The following USP32 variants were observed in gnomAD, a reference collection of about 807,000 sequenced individuals.
USP32 encodes the protein ubiquitin carboxyl-terminal hydrolase 32.
In USP32, 59 loss-of-function variants were observed where a neutral mutation model predicts 204.8. The observed-to-expected ratio is 0.29, with a 90% CI of 0.23 to 0.36. The LOEUF (loss-of-function observed/expected upper bound fraction) is 0.36, where lower values mean the gene tolerates loss of function less well. USP32 is among the 10% of genes least tolerant of loss of function. The probability of loss-of-function intolerance (pLI) is 1.00; values close to 1 mark genes in which losing one functional copy is unlikely to be tolerated. For synonymous variants in USP32, 517 were observed against 678.4 expected (o/e 0.76, Z 3.70); for missense variants, 1,160 against 1,946.4 (o/e 0.60, Z 7.60).
rs758528054 is a variant in USP32, at chr17:60,368,991, A to ATT, written c.58+22889_58+22890dup. Among the ~76,000 whole-genome samples, 131 of 114,106 alleles carry ATT rather than the reference A, an allele frequency of 1.1e-3. 9 individuals carry two copies. The highest frequency in any genetic ancestry group is 3.3e-3 in the African/African-American group (64 of 19,578). The allele number at this position is 114,106 out of a possible 152,430, so 74.9% of individuals were successfully genotyped here. A position where few individuals can be genotyped will look rare whatever the true frequency, so the allele number is the denominator to read the frequency against. On this transcript the variant is annotated intron_variant, in intron 1 of 33. Coordinates refer to ENST00000300896, the MANE Select transcript of USP32 (RefSeq NM_032582.4). ...ACATACACGAATTATTTTTTAAAAG[A>ATT]TTTTTTTTTTTTTTTTTTTTTGAGA...
chr17:60,311,267 G>A (rs890404487), intron 2 of USP32, among the ~76,000 whole-genome samples: 5 of 152,022 alleles, frequency 3.3e-5, no homozygotes, highest in Non-Finnish European at 7.4e-5. Flanking sequence ...TATCTATTAT[G>A]CAACCCTAAA....
At chr17:60,311,248 C>A (rs1322489004) in intron 2 of USP32, among the ~76,000 whole-genome samples, 2 of 151,844 alleles carry the variant, frequency 1.3e-5, no homozygotes, top group African/African-American at 2.4e-5. Flanking sequence ...ATGTACCCCC[C>A]AAAAAATGTA....
intron 2 of USP32, among the ~76,000 whole-genome samples, chr17:60,315,173 G>A (rs1437807171): frequency 2.0e-5 from 3 of 152,160 alleles, no homozygotes; most frequent in African/African-American, 4.8e-5. Flanking sequence ...CGAGGTGGGC[G>A]GAATGCCTGA....
chr17:60,288,441 T>C (rs2087179176), intron 5 of USP32, 82 bp downstream of exon 5: 1 of 1,454,198 alleles, frequency 6.9e-7, no homozygotes. Flanking sequence ...AAATTTCTCC[T>C]TTATAAGCAT....
intron 13 of USP32, among the ~76,000 whole-genome samples, chr17:60,225,628 C>T (rs2085362329): frequency 6.6e-6 from 1 of 152,066 alleles, no homozygotes. Context: ...ATATTCACTA[C>T]AGCCTCTGTC....
intron 2 of USP32, 82 bp downstream of exon 2, chr17:60,345,399 T>TAAGAGCAG: frequency 6.4e-7 from 1 of 1,555,604 alleles, no homozygotes; most frequent in Non-Finnish European, 8.7e-7. Context: ...TTAAATCTGT[T>TAAGAGCAG]AAGAGCAGAA....
intron 1 of USP32, among the ~76,000 whole-genome samples, chr17:60,348,459 G>A (rs1041655409): frequency 6.6e-6 from 1 of 152,132 alleles, no homozygotes; most frequent in African/African-American, 2.4e-5. Context: ...GACTTATCAA[G>A]TTAAGGCAGA....
At chr17:60,414,221 G>A (rs186259386) in intron 1 of USP32, among the ~76,000 whole-genome samples, 44 of 151,872 alleles carry the variant, frequency 2.9e-4, no homozygotes, top group African/African-American at 7.2e-4. Flanking sequence ...AAATTAGCTA[G>A]GCATGGTGGC....
At chr17:60,288,895 C>T (rs1313441292) in intron 4 of USP32, among the ~76,000 whole-genome samples, 2 of 152,206 alleles carry the variant, frequency 1.3e-5, no homozygotes, top group African/African-American at 4.8e-5. Context: ...TGCATAAAAT[C>T]TGTATGTTAA....
intron 9 of USP32, among the ~76,000 whole-genome samples, chr17:60,257,807 C>T (rs534479839): frequency 2.7e-5 from 4 of 150,888 alleles, no homozygotes; most frequent in Admixed American, 6.6e-5. Flanking sequence ...TTTTTTTTTT[C>T]CTTCAATCTG....
chr17:60,289,403 A>C (rs1396632933), intron 4 of USP32, among the ~76,000 whole-genome samples: 2 of 152,202 alleles, frequency 1.3e-5, no homozygotes, highest in East Asian at 3.8e-4. Context: ...ACTATATCTT[A>C]ATTAAATCTG....
At chr17:60,278,601 A>G (rs2086893753) in intron 5 of USP32, among the ~76,000 whole-genome samples, 1 of 152,218 alleles carries the variant, frequency 6.6e-6, no homozygotes, top group Non-Finnish European at 1.5e-5. Context: ...TTTAATTCAA[A>G]AACAAGAAAA....
At chr17:60,326,496 G>T (rs1184685137) in intron 2 of USP32, among the ~76,000 whole-genome samples, 1 of 151,854 alleles carries the variant, frequency 6.6e-6, no homozygotes, top group Non-Finnish European at 1.5e-5. Context: ...TTTTTGGTAG[G>T]GACTGTTGGC....
intron 13 of USP32, among the ~76,000 whole-genome samples, chr17:60,224,970 T>C (rs1463103620): frequency 6.6e-6 from 1 of 152,228 alleles, no homozygotes; most frequent in African/African-American, 2.4e-5. Context: ...TCTGAATTCT[T>C]TCTCAGTATT....
chr17:60,277,104 T>C (rs1018359134), intron 5 of USP32, among the ~76,000 whole-genome samples: 2 of 152,148 alleles, frequency 1.3e-5, no homozygotes, highest in African/African-American at 4.8e-5. Context: ...CATAAGTCAC[T>C]ATGAAAACTT....
chr17:60,403,569 C>T (rs115666893), intron 1 of USP32, among the ~76,000 whole-genome samples: 9 of 152,142 alleles, frequency 5.9e-5, no homozygotes, highest in Admixed American at 5.2e-4. Flanking sequence ...GGGGGACTAA[C>T]GCTCCTCAGG....
At chr17:60,208,463 T>C (rs2084885655) in intron 23 of USP32, among the ~76,000 whole-genome samples, 191 bp downstream of exon 23, 1 of 152,174 alleles carries the variant, frequency 6.6e-6, no homozygotes, top group Non-Finnish European at 1.5e-5. Flanking sequence ...CTGGCATATT[T>C]GAAACCAAAA....
intron 12 of USP32, among the ~76,000 whole-genome samples, chr17:60,235,264 T>C (rs1382027099): frequency 6.6e-6 from 1 of 152,220 alleles, no homozygotes; most frequent in Non-Finnish European, 1.5e-5. Flanking sequence ...ACTGATGCTG[T>C]ACCCCAATAT....
chr17:60,342,656 G>GCTGCCA (rs2088688057), intron 2 of USP32, among the ~76,000 whole-genome samples: 1 of 152,194 alleles, frequency 6.6e-6, no homozygotes, highest in African/African-American at 2.4e-5. Context: ...CCTCAGCCAG[G>GCTGCCA]CTGCCACCTC....
Sources: allele counts gnomAD v4.1 joint callset (sites outside exome capture counted in the v4.1 genomes callset), GRCh38; gene constraint gnomAD v4.1.1; transcripts MANE v1.5; gene names NCBI Gene and HGNC (gene_info 2026-07-23, HGNC 2026-07-21).